AHCYL2: variants seen among roughly 807,000 people sequenced by gnomAD.
AHCYL2 encodes adenosylhomocysteinase like 2, also known as S-adenosylhomocysteine hydrolase-like protein 2.
In AHCYL2, 28 loss-of-function variants were observed where a neutral mutation model predicts 81.4. The observed-to-expected ratio is 0.34, with a 90% CI of 0.25 to 0.47. The LOEUF is 0.47. Ranked by LOEUF, AHCYL2 falls within the 20% of genes least tolerant of loss-of-function variation. The probability of loss-of-function intolerance (pLI) is 1.00; values close to 1 mark genes in which losing one functional copy is unlikely to be tolerated. For missense variants in AHCYL2, 551 were observed against 785.1 expected (o/e 0.70, Z 3.56); for synonymous variants, 272 against 290.2 (o/e 0.94, Z 0.64).
At chr7:129,273,650 A>G (rs1584730403) in intron 1 of AHCYL2, among the ~76,000 whole-genome samples, 2 of 152,106 alleles carry the variant, frequency 1.3e-5, no homozygotes, top group South Asian at 2.1e-4. Flanking sequence ...ATTTAAGACA[A>G]TGCCTCACAA....
intron 5 of AHCYL2, among the ~76,000 whole-genome samples, chr7:129,397,659 A>G (rs991058193): frequency 3.3e-5 from 5 of 152,252 alleles, no homozygotes; most frequent in Non-Finnish European, 5.9e-5. Flanking sequence ...TGCTTCAGCC[A>G]TAGTTTTGTG....
intron 11 of AHCYL2, among the ~76,000 whole-genome samples, chr7:129,412,528 C>CA (rs1031344899): frequency 2.3e-4 from 35 of 151,608 alleles, no homozygotes; most frequent in Admixed American, 2.3e-3. Flanking sequence ...CAATCCACCC[C>CA]CCTCAGCCTC....
intron 4 of AHCYL2, among the ~76,000 whole-genome samples, chr7:129,391,031 A>G (rs947299128): frequency 1.3e-5 from 2 of 152,234 alleles, no homozygotes; most frequent in African/African-American, 4.8e-5. Flanking sequence ...TAAAAAAAGT[A>G]CAATACTTAA....
At chr7:129,253,076 C>T (rs1015626982) in intron 1 of AHCYL2, among the ~76,000 whole-genome samples, 3 of 151,834 alleles carry the variant, frequency 2.0e-5, no homozygotes, top group Admixed American at 6.6e-5. Flanking sequence ...GGTGTGGTGG[C>T]GGGCGCCTGT....
intron 1 of AHCYL2, among the ~76,000 whole-genome samples, chr7:129,268,028 G>A (rs948648046): frequency 1.4e-5 from 2 of 140,536 alleles, no homozygotes; most frequent in Non-Finnish European, 3.2e-5. Flanking sequence ...TTCTTTTGAC[G>A]ACTTTTTGGA....
intron 1 of AHCYL2, among the ~76,000 whole-genome samples, chr7:129,263,238 G>C (rs1446223453): frequency 6.6e-6 from 1 of 152,168 alleles, no homozygotes; most frequent in African/African-American, 2.4e-5. Flanking sequence ...CAAGACTTAG[G>C]CTAGATGCTC....
chr7:129,420,998 C>A (rs1797091282), intron 12 of AHCYL2, among the ~76,000 whole-genome samples: 1 of 152,150 alleles, frequency 6.6e-6, no homozygotes. Flanking sequence ...CGCCTGTAAT[C>A]CTAGCCCTTT....
chr7:129,350,879 T>C (rs1793538860), intron 1 of AHCYL2, among the ~76,000 whole-genome samples: 1 of 151,878 alleles, frequency 6.6e-6, no homozygotes, highest in Non-Finnish European at 1.5e-5. Flanking sequence ...AATTTTTGTA[T>C]ATTTAGTAGA....
intron 1 of AHCYL2, among the ~76,000 whole-genome samples, chr7:129,247,397 A>G (rs1309528057): frequency 6.6e-6 from 1 of 152,100 alleles, no homozygotes; most frequent in Non-Finnish European, 1.5e-5. Context: ...TCATTTTCCC[A>G]TTTTTAATTG....
chr7:129,226,642 A>G (rs933060128), intron 1 of AHCYL2, among the ~76,000 whole-genome samples: 2 of 152,226 alleles, frequency 1.3e-5, no homozygotes, highest in African/African-American at 4.8e-5. Context: ...TGATTAAGGT[A>G]TAGCGGATAA....
intron 1 of AHCYL2, among the ~76,000 whole-genome samples, chr7:129,290,357 C>T (rs1359832124): frequency 5.3e-5 from 8 of 151,666 alleles, no homozygotes; most frequent in African/African-American, 1.5e-4. Context: ...AAAAATTAGC[C>T]GGGAGTGGTG....
intron 1 of AHCYL2, among the ~76,000 whole-genome samples, chr7:129,303,436 T>A (rs954855757): frequency 6.6e-6 from 1 of 152,218 alleles, no homozygotes; most frequent in Non-Finnish European, 1.5e-5. Flanking sequence ...TTTTCCAATT[T>A]ATTGGCATAT....
chr7:129,307,612 G>A (rs1271446136), intron 1 of AHCYL2, among the ~76,000 whole-genome samples: 2 of 151,980 alleles, frequency 1.3e-5, no homozygotes, highest in Non-Finnish European at 1.5e-5. Context: ...TGACTGAACT[G>A]GTACCTAAGC....
intron 1 of AHCYL2, among the ~76,000 whole-genome samples, chr7:129,284,066 T>A (rs4440569): frequency 0.24 from 36,783 of 152,100 alleles, 4,556 homozygotes; most frequent in South Asian, 0.37. Flanking sequence ...TATAAATAAT[T>A]GATTTCCAGG....
chr7:129,373,943 T>C (rs1323808429), intron 1 of AHCYL2, among the ~76,000 whole-genome samples: 5 of 152,216 alleles, frequency 3.3e-5, no homozygotes, highest in Non-Finnish European at 7.4e-5. Context: ...GTTCAATTAA[T>C]TTCTGTTTCC....
At chr7:129,267,262 T>TGTGTGTGTGTGTGTAC (rs1795846993) in intron 1 of AHCYL2, among the ~76,000 whole-genome samples, 1 of 151,980 alleles carries the variant, frequency 6.6e-6, no homozygotes, top group Admixed American at 6.6e-5. Flanking sequence ...TGTGTGTGTG[T>TGTGTGTGTGTGTGTAC]GTGTGTGTAC....
chr7:129,273,788 G>A (rs1175411279), intron 1 of AHCYL2, among the ~76,000 whole-genome samples: 2 of 152,146 alleles, frequency 1.3e-5, no homozygotes, highest in Admixed American at 6.5e-5. Flanking sequence ...CATAAGACTT[G>A]CGATAGAAAA....
chr7:129,375,760 A>G (rs1417488525), intron 1 of AHCYL2: 8 of 1,500,038 alleles, frequency 5.3e-6, no homozygotes, highest in Non-Finnish European at 6.2e-6. Flanking sequence ...CCCCAGCCCA[A>G]AAAGCTGGCT....
At chr7:129,374,865 C>CT (rs397694415) in intron 1 of AHCYL2, among the ~76,000 whole-genome samples, 2,988 of 137,888 alleles carry the variant, frequency 0.022, 86 homozygotes, top group African/African-American at 0.071. Flanking sequence ...AACAAGCAGT[C>CT]TTTTTTTTTT....
Sources: gnomAD v4.1 joint callset for allele counts (sites outside exome capture counted in the v4.1 genomes callset) on GRCh38, gnomAD v4.1.1 for gene constraint, MANE v1.5 for transcripts, NCBI Gene and HGNC (gene_info 2026-07-23, HGNC 2026-07-21) for gene names.